The following IL13RA2 variants were observed in gnomAD, a reference collection of about 807,000 sequenced individuals.
The protein encoded by IL13RA2 is interleukin 13 receptor subunit alpha 2.
In IL13RA2, 25 loss-of-function variants were observed where a neutral mutation model predicts 34.1. That is an observed-to-expected ratio of 0.73 (90% CI 0.53 to 1.03). The LOEUF is 1.03. IL13RA2 is among the 50% of genes least tolerant of loss of function. The pLI is 0.00. For missense variants in IL13RA2, 297 were observed against 280.9 expected, an observed-to-expected ratio of 1.06 and a Z score of -0.41; for synonymous variants, 106 against 100.4, an observed-to-expected ratio of 1.06 and a Z score of -0.33.
chrX:115,004,027 G>C lies in IL13RA2; in HGVS notation c.*53C>G. 1 of 700,533 alleles carries C rather than the reference G, an allele frequency of 1.4e-6. No individual in the cohort carries two copies. The highest frequency in any genetic ancestry group is 2.3e-6 in the Non-Finnish European group (1 of 443,974). The allele number at this position is 700,533 out of a possible 1,213,427, so 57.7% of individuals were successfully genotyped here. A position where few individuals can be genotyped will look rare whatever the true frequency, so the allele number is the denominator to read the frequency against. On this transcript the variant is annotated 3_prime_UTR_variant, in exon 10 of 10. Transcript: ENST00000243213. ...TATTGAGACTCATATTGAACATTTG[G>C]CCATGACTGGAAACTGTTGAGTCAA...
At chrX:115,006,847 C>T (rs782057780) in intron 8 of IL13RA2, among the ~76,000 whole-genome samples, 68 of 111,990 alleles carry the variant, frequency 6.1e-4, no homozygotes, top group African/African-American at 2.1e-3. Context: ...AGATATAGTT[C>T]AGGACATAAC....
chrX:115,007,239 G>A (rs1296104968), intron 8 of IL13RA2, among the ~76,000 whole-genome samples: 1 of 111,966 alleles, frequency 8.9e-6, no homozygotes, highest in East Asian at 2.8e-4. Flanking sequence ...ATGATTGATA[G>A]ATATGGCAGT....
chrX:115,013,721 T>C, intron 5 of IL13RA2, 48 bp downstream of exon 5: 1 of 708,198 alleles, frequency 1.4e-6, no homozygotes, highest in South Asian at 2.4e-5. Flanking sequence ...ATCGACTAAC[T>C]TGAGTAGACA....
intron 2 of IL13RA2, 83 bp downstream of exon 2, chrX:115,017,093 C>A: frequency 1.8e-6 from 1 of 570,850 alleles, no homozygotes; most frequent in South Asian, 2.6e-5. Context: ...TAAGGCAGGT[C>A]AAAAAGACAG....
At chrX:115,015,540 C>T (rs1556509715) in intron 3 of IL13RA2, 130 bp downstream of exon 3, 2 of 532,153 alleles carry the variant, frequency 3.8e-6, no homozygotes, top group Non-Finnish European at 3.2e-6. Flanking sequence ...GAGACAGAAG[C>T]GGGTGTGGAA....
intron 8 of IL13RA2, among the ~76,000 whole-genome samples, 191 bp downstream of exon 8, chrX:115,007,741 C>T (rs1000698631): frequency 8.9e-6 from 1 of 111,781 alleles, no homozygotes; most frequent in African/African-American, 3.2e-5. Context: ...AACAATATTC[C>T]TAGTCCTAAC....
At position 115,015,321 on chromosome X, in the gene IL13RA2, G is replaced by T. The variant is rs782734749; in HGVS notation, c.246+349C>A. 3.6e-5 allele frequency among the ~76,000 whole-genome samples: 4 copies of T among 112,001 alleles called. No individual in the cohort carries two copies. The East Asian group carries it at 1.1e-3, about 31-fold the overall frequency. ...AGCCTTGTCTCCTACAGTAGAAAAG[G>T]TCACAGGTCAGTAGCATGTATAAGG... On this transcript the variant is annotated intron_variant, in intron 3 of 9. Transcript: ENST00000243213.
At chrX:115,017,361 G>T (rs1423133247) in intron 1 of IL13RA2, 59 bp from the exon 2 acceptor site, 2 of 533,440 alleles carry the variant, frequency 3.7e-6, no homozygotes, top group East Asian at 7.3e-5. Flanking sequence ...CAAACTAAAC[G>T]TGATTAAAAA....
At chrX:115,014,306 G>T in intron 4 of IL13RA2, 115 bp downstream of exon 4, 1 of 540,095 alleles carries the variant, frequency 1.9e-6, no homozygotes, top group Non-Finnish European at 3.0e-6. Context: ...TCTATTTTGT[G>T]CCACACTGTC....
At chrX:115,004,465 G>A (rs953960208) in intron 9 of IL13RA2, among the ~76,000 whole-genome samples, 1 of 104,966 alleles carries the variant, frequency 9.5e-6, no homozygotes, top group African/African-American at 3.5e-5. Context: ...ATGGAGTCCC[G>A]CTATGTTGGT....
chrX:115,016,284 C>G (rs2071726887), intron 2 of IL13RA2, among the ~76,000 whole-genome samples: 1 of 110,844 alleles, frequency 9.0e-6, no homozygotes, highest in African/African-American at 3.3e-5. Context: ...AAGAGTTTTA[C>G]TATACATGTA....
At chrX:115,007,100 T>C (rs1556507813) in intron 8 of IL13RA2, among the ~76,000 whole-genome samples, 1 of 112,052 alleles carries the variant, frequency 8.9e-6, no homozygotes, top group Non-Finnish European at 1.9e-5. Flanking sequence ...TCTGTAATGC[T>C]TGAAAAGAGT....
intron 7 of IL13RA2, among the ~76,000 whole-genome samples, chrX:115,009,106 C>A (rs1602974147): frequency 9.0e-6 from 1 of 111,277 alleles, no homozygotes; most frequent in East Asian, 2.8e-4. Flanking sequence ...TGCCTAATTC[C>A]CCAGGCAGCC....
At chrX:115,005,411 G>A (rs1324069483) in intron 8 of IL13RA2, 96 bp from the exon 9 acceptor site, 3 of 544,308 alleles carry the variant, frequency 5.5e-6, no homozygotes, top group Non-Finnish European at 9.7e-6. Context: ...ACTGAGTTGA[G>A]CTTGGAAACC....
Position 115,013,765 on chromosome X carries a change from T to C in IL13RA2, c.521+4A>G. On this transcript the variant is annotated splice_donor_region_variant and intron_variant, in intron 5 of 9. Transcript: ENST00000243213. ...TATGGAATTCTAATTATAAAAATACTTACCAGTAAAACAAGTTGTAATTGG... is the reference window on the plus strand; with the variant it reads ...TATGGAATTCTAATTATAAAAATACCTACCAGTAAAACAAGTTGTAATTGG... The C allele has an allele frequency of 2.0e-6, 2 of 1,020,360 alleles. No homozygotes were observed. The highest frequency in any genetic ancestry group is 6.2e-5 in the East Asian group (2 of 32,479). The allele number at this position is 1,020,360 out of a possible 1,213,427, so 84.1% of individuals were successfully genotyped here. A position where few individuals can be genotyped will look rare whatever the true frequency, so the allele number is the denominator to read the frequency against.
Position 115,015,651 on chromosome X carries a change from A to G in IL13RA2, c.246+19T>C. The stretch of plus-strand genomic sequence containing the variant: ...CACCTGATGATCACTCTGATACGGC[A>G]AATGCATGCTTTACTTACCTTCCAT... On this transcript the variant is annotated intron_variant, in intron 3 of 9. Transcript: ENST00000243213. The G allele has an allele frequency of 8.4e-7, 1 of 1,189,120 alleles. No individual in the cohort carries two copies. The highest frequency in any genetic ancestry group is 3.0e-5 in the East Asian group (1 of 33,675).
At position 115,010,820 on chromosome X, in the gene IL13RA2, C is replaced by A; in HGVS notation, c.530G>T (p.Gly177Val). Residue 177 changes from glycine to valine, a missense_variant, in exon 6 of 10, where the codon GGC becomes GTC. By Grantham distance (109) the Gly-to-Val change is moderately radical (BLOSUM62 -3). Transcript: ENST00000243213. Reference sequence around the variant, plus strand: ...AACACACTGTAATGCATGATCCAAGCCCTCATACCTGTAAAATGAGTGTTG... The same window carrying A: ...AACACACTGTAATGCATGATCCAAGACCTCATACCTGTAAAATGAGTGTTG... ...TNYNLFYWYE[G>V]LDHALQCVDY... is the part of the protein sequence containing the mutation. 9.9e-7 allele frequency: 1 copy of A among 1,013,882 alleles called. No individual in the cohort carries two copies. The highest frequency in any genetic ancestry group is 2.8e-5 in the South Asian group (1 of 35,224). 83.6% of individuals were successfully genotyped at this position (1,013,882 alleles called of 1,213,427 possible).
At position 115,015,840 on chromosome X, in the gene IL13RA2, A is replaced by C; in HGVS notation, c.95-19T>G. The C allele has an allele frequency of 1.8e-6, 2 of 1,085,455 alleles. No individual in the cohort carries two copies. The highest frequency in any genetic ancestry group is 4.7e-5 in the Admixed American group (2 of 42,608). 89.5% of individuals were successfully genotyped at this position (1,085,455 alleles called of 1,213,427 possible). A position where few individuals can be genotyped will look rare whatever the true frequency, so the allele number is the denominator to read the frequency against. ...GGGTTAACTGAAATAAATCAATAAA[A>C]CACTTTTATTTTTTCTGTATTTTAT... On this transcript the variant is annotated intron_variant, in intron 2 of 9. Coordinates refer to ENST00000243213, the MANE Select transcript of IL13RA2 (RefSeq NM_000640.3).
rs2071731618 is a variant in IL13RA2, at chrX:115,017,224, T to C, written c.46A>G (p.Ile16Val). ...LAIGCLYTFL[I>V]STTFGCTSSS... ...GAAGTACAGCCAAATGTTGTGCTTA[T>C]CAGAAAGGTATATAAGCATCCGATA... is the stretch of plus-strand genomic sequence containing the variant. The change falls in exon 2 of 10, where the codon ATA (isoleucine) becomes GTA (valine). Residue 16 changes from isoleucine to valine, a missense_variant. Transcript: ENST00000243213. The C allele has an allele frequency of 9.6e-7, 1 of 1,045,034 alleles. No individual in the cohort carries two copies. Among genetic ancestry groups the C allele is most frequent in the Non-Finnish European group, 1.3e-6 (1 of 745,434 alleles). 86.1% of individuals were successfully genotyped at this position (1,045,034 alleles called of 1,213,427 possible).
Sources: allele counts gnomAD v4.1 joint callset (sites outside exome capture counted in the v4.1 genomes callset), GRCh38; gene constraint gnomAD v4.1.1; transcripts MANE v1.5; gene names NCBI Gene and HGNC (gene_info 2026-07-23, HGNC 2026-07-21).